Variants in CLASP1 observed in about 807,000 individuals in gnomAD.
The protein encoded by CLASP1 is cytoplasmic linker associated protein 1.
In CLASP1, 38 loss-of-function variants were observed where a neutral mutation model predicts 192.3. That is an observed-to-expected ratio of 0.20 (90% CI 0.15 to 0.26). The LOEUF (loss-of-function observed/expected upper bound fraction) is 0.26. Among genes scored for constraint, CLASP1 ranks in the 10% least tolerant of loss-of-function variants. CLASP1 has a pLI of 1.00. For missense variants in CLASP1, 1,433 were observed against 1,932.5 expected (o/e 0.74, Z 4.85); for synonymous variants, 691 against 712.8 (o/e 0.97, Z 0.49).
intron 1 of CLASP1, among the ~76,000 whole-genome samples, chr2:121,625,784 T>C (rs2068226944): frequency 6.6e-6 from 1 of 150,974 alleles, no homozygotes; most frequent in African/African-American, 2.4e-5. Context: ...TCCCCAGACT[T>C]AGGTGAGTAA....
At chr2:121,647,131 G>A (rs903565752) in intron 1 of CLASP1, among the ~76,000 whole-genome samples, 3 of 151,964 alleles carry the variant, frequency 2.0e-5, no homozygotes, top group African/African-American at 4.8e-5. Flanking sequence ...ACTTCGGAAG[G>A]CCAAGGCAGG....
chr2:121,545,707 A>T (rs558930967), intron 2 of CLASP1, among the ~76,000 whole-genome samples: 65 of 152,318 alleles, frequency 4.3e-4, no homozygotes, highest in African/African-American at 1.4e-3. Flanking sequence ...TATAGGTGGT[A>T]CTATAATCTT....
chr2:121,644,241 G>C (rs1419772857), intron 1 of CLASP1, among the ~76,000 whole-genome samples: 2 of 151,830 alleles, frequency 1.3e-5, no homozygotes, highest in African/African-American at 4.8e-5. Context: ...GAATGCACAA[G>C]GAAATTTGAA....
chr2:121,426,071 G>A (rs2080321492), intron 21 of CLASP1, among the ~76,000 whole-genome samples: 2 of 152,136 alleles, frequency 1.3e-5, no homozygotes, highest in Non-Finnish European at 2.9e-5. Context: ...CTTGAGCCCA[G>A]GAGGTCAAGG....
In CLASP1 at chr2:121,599,934, A is replaced by G. The variant is rs538866894; in HGVS notation, c.195+5767T>C. Among the ~76,000 whole-genome samples the G allele has an allele frequency of 9.2e-5, 14 of 152,134 alleles. No homozygotes were observed. The South Asian group carries it at 2.3e-3, about 25-fold the overall frequency. On this transcript the variant is annotated intron_variant, in intron 2 of 39. Coordinates refer to ENST00000263710, the Ensembl canonical transcript of CLASP1. ...ACTCTGTCAAAAAAAAAAAAAAAAA[A>G]AAATTCAAGAAGCCAAGCTTCAAAG...
chr2:121,410,903 G>A, exon 24 of CLASP1: 1 of 1,612,346 alleles, frequency 6.2e-7, no homozygotes. Context: ...ATCTGTACTT[G>A]TGCTCAGAAC....
intron 2 of CLASP1, among the ~76,000 whole-genome samples, chr2:121,580,558 C>T (rs2061014539): frequency 6.6e-6 from 1 of 152,108 alleles, no homozygotes; most frequent in Non-Finnish European, 1.5e-5. Flanking sequence ...TTGCCTTTTT[C>T]ATTTTACATT....
chr2:121,516,617 T>G (rs2094302913), intron 6 of CLASP1, among the ~76,000 whole-genome samples: 1 of 152,234 alleles, frequency 6.6e-6, no homozygotes, highest in Non-Finnish European at 1.5e-5. Context: ...ACGGACTGTA[T>G]ATTACACATC....
intron 22 of CLASP1, 57 bp from the exon 23 acceptor site, chr2:121,418,786 A>G: frequency 8.3e-7 from 1 of 1,208,736 alleles, no homozygotes; most frequent in Non-Finnish European, 1.2e-6. Context: ...GAAGACAGAT[A>G]AACTCACAAA....
At chr2:121,614,350 G>T (rs2066112003) in intron 1 of CLASP1, among the ~76,000 whole-genome samples, 1 of 152,112 alleles carries the variant, frequency 6.6e-6, no homozygotes, top group South Asian at 2.1e-4. Context: ...ATAAAAACTA[G>T]CCAGGCGTGG....
At chr2:121,638,710 G>A (rs536887498) in intron 1 of CLASP1, among the ~76,000 whole-genome samples, 9 of 148,970 alleles carry the variant, frequency 6.0e-5, no homozygotes, top group South Asian at 2.1e-4. Context: ...TCTTTTTGCC[G>A]AGGCTGGAGT....
chr2:121,603,050 C>T (rs2063976895), intron 2 of CLASP1: 1 of 151,982 alleles, frequency 6.6e-6, no homozygotes, highest in South Asian at 2.1e-4. Flanking sequence ...TTGCAAATTA[C>T]TCCTCTGACA....
intron 1 of CLASP1, among the ~76,000 whole-genome samples, chr2:121,640,580 C>A (rs936495089): frequency 2.6e-5 from 4 of 152,124 alleles, no homozygotes; most frequent in African/African-American, 9.7e-5. Flanking sequence ...TCTCTACATC[C>A]CTCCTGACTA....
intron 17 of CLASP1, 103 bp downstream of exon 17, chr2:121,448,850 A>G: frequency 1.7e-6 from 2 of 1,182,010 alleles, no homozygotes; most frequent in African/African-American, 1.5e-5. Flanking sequence ...GGGGCGTTTT[A>G]ACAAGCACCC....
intron 2 of CLASP1, among the ~76,000 whole-genome samples, chr2:121,564,610 C>A (rs1421773918): frequency 1.3e-5 from 2 of 152,144 alleles, no homozygotes; most frequent in Non-Finnish European, 2.9e-5. Context: ...GAATCCAAGT[C>A]CAAAGCTATA....
chr2:121,440,078 T>C (rs1377578712), intron 19 of CLASP1, among the ~76,000 whole-genome samples: 19 of 126,524 alleles, frequency 1.5e-4, no homozygotes, highest in Non-Finnish European at 2.2e-4. Context: ...AAACTTAAAG[T>C]ATAATTAAAA....
At chr2:121,350,677 A>G (rs902748848) in intron 37 of CLASP1, among the ~76,000 whole-genome samples, 1 of 152,208 alleles carries the variant, frequency 6.6e-6, no homozygotes, top group South Asian at 2.1e-4. Flanking sequence ...AGTTCATCTC[A>G]TTAACAATGG....
At chr2:121,379,010 G>C (rs1232035256) in intron 33 of CLASP1, among the ~76,000 whole-genome samples, 1 of 150,078 alleles carries the variant, frequency 6.7e-6, no homozygotes, top group East Asian at 2.0e-4. Context: ...AGCAAGGTAA[G>C]ATTTGGAGAG....
chr2:121,496,105 C>T (rs1283457272), intron 8 of CLASP1, among the ~76,000 whole-genome samples: 1 of 152,234 alleles, frequency 6.6e-6, no homozygotes, highest in Non-Finnish European at 1.5e-5. Context: ...CTTCCCCACA[C>T]AGGGGCATGT....
Sources: allele counts gnomAD v4.1 joint callset (sites outside exome capture counted in the v4.1 genomes callset), GRCh38; gene constraint gnomAD v4.1.1; transcripts MANE v1.5; gene names NCBI Gene and HGNC (gene_info 2026-07-23, HGNC 2026-07-21).